Variants in RHO observed in about 807,000 individuals in gnomAD.
RHO encodes the protein opsin 2, rod pigment.
Under a neutral mutation model 31.2 loss-of-function variants are expected in RHO, and 21 were observed. The observed-to-expected ratio is 0.67, with a 90% CI of 0.48 to 0.97. The LOEUF (loss-of-function observed/expected upper bound fraction) is 0.97. Among genes scored for constraint, RHO ranks in the 50% least tolerant of loss-of-function variants. The pLI is 0.00. For synonymous variants in RHO, 211 were observed against 196.6 expected, an observed-to-expected ratio of 1.07 and a Z score of -0.61; for missense variants, 414 against 479.5, an observed-to-expected ratio of 0.86 and a Z score of 1.28.
intron 4 of RHO, among the ~76,000 whole-genome samples, chr3:129,533,143 T>G (rs2084797830): frequency 1.3e-5 from 2 of 152,098 alleles, no homozygotes; most frequent in Admixed American, 1.3e-4. Context: ...AAAGTCTTAT[T>G]CTGAGGGGTA....
chr3:129,533,631 C>G lies in RHO; in HGVS notation c.960C>G (p.Thr320=). 1 of 1,614,098 alleles carries G rather than the reference C, an allele frequency of 6.2e-7. No individual in the cohort carries two copies. Among genetic ancestry groups the G allele is most frequent in the Non-Finnish European group, 8.5e-7 (1 of 1,179,948 alleles). The change falls in exon 5 of 5, where the codon ACC becomes ACG. Residue 320 remains threonine, a synonymous_variant. Transcript: ENST00000296271. ...AGTTCCGGAACTGCATGCTCACCAC[C>G]ATCTGCTGCGGCAAGAACCCACTGG... ...NKQFRNCMLT[T]ICCGKNPLGD... is the part of the protein sequence containing the mutation.
intron 4 of RHO, among the ~76,000 whole-genome samples, chr3:129,533,263 A>G (rs2084798411): frequency 6.6e-6 from 1 of 152,142 alleles, no homozygotes; most frequent in African/African-American, 2.4e-5. Flanking sequence ...GGGCAAGTCA[A>G]TTTCCTTCTC....
chr3:129,532,587 A>AC lies in RHO; in HGVS notation c.754dup (p.Arg252ProfsTer79). On this transcript the variant is annotated frameshift_variant, in exon 4 of 5. Coordinates refer to ENST00000296271, the MANE Select transcript of RHO (RefSeq NM_000539.3). LOFTEE classifies it high-confidence loss of function. The surrounding 1 kb of genome is among the most constrained non-coding windows in gnomAD (Gnocchi z 5.5). ...CACACAGAAGGCAGAGAAGGAGGTC[A>AC]CCCGCATGGTCATCATCATGGTCAT... is the stretch of plus-strand genomic sequence containing the variant. 6.2e-7 allele frequency: 1 copy of AC among 1,614,124 alleles called. No individual in the cohort carries two copies. Among genetic ancestry groups the AC allele is most frequent in the South Asian group, 1.1e-5 (1 of 91,078 alleles).
At position 129,528,667 on chromosome 3, in the gene RHO, C is replaced by T; in HGVS notation, c.-67C>T. On this transcript the variant is annotated 5_prime_UTR_variant, in exon 1 of 5. Coordinates refer to ENST00000296271, the MANE Select transcript of RHO (RefSeq NM_000539.3). ...GTCATCCAGCTGGAGCCCTGAGTGGCTGAGCTCAGGCCTTCGCAGCATTCT... is the reference window on the plus strand; with the variant it reads ...GTCATCCAGCTGGAGCCCTGAGTGGTTGAGCTCAGGCCTTCGCAGCATTCT... 1 of 1,607,640 alleles carries T rather than the reference C, an allele frequency of 6.2e-7. No individual in the cohort carries two copies. The highest frequency in any genetic ancestry group is 8.5e-7 in the Non-Finnish European group (1 of 1,177,924).
chr3:129,532,399 G>T lies in RHO; in HGVS notation c.679G>T (p.Val227Phe), dbSNP rs781465927. The change falls in exon 3 of 5, where the codon GTC (valine) becomes TTC (phenylalanine). Residue 227 changes from valine to phenylalanine, a missense_variant. Physicochemically the swap from Val to Phe is conservative, Grantham distance 50. Coordinates refer to ENST00000296271, the MANE Select transcript of RHO (RefSeq NM_000539.3). This position sits in a 1 kb window ranked among gnomAD's most constrained non-coding sequence, Gnocchi z 5.5. ...CATCTTTTTCTGCTATGGGCAGCTC[G>T]TCTTCACCGTCAAGGAGGTACGGGC... ...IIIFFCYGQLVFTVKEAAAQQ... is the reference protein window; with the variant it reads ...IIIFFCYGQLFFTVKEAAAQQ... 1.2e-6 allele frequency: 2 copies of T among 1,613,814 alleles called. No homozygotes were observed. The highest frequency in any genetic ancestry group is 2.7e-5 in the African/African-American group (2 of 74,864).
In RHO at chr3:129,530,616, T is replaced by C. The variant is rs77154523; in HGVS notation, c.362-260T>C. On this transcript the variant is annotated intron_variant, in intron 1 of 4. Transcript: ENST00000296271. ...TTCAATCCTGACCCCCTGATCTGAT[T>C]CGTGTCCCTTATGGGCCCAGAGCGC... is the stretch of plus-strand genomic sequence containing the variant. Among the ~76,000 whole-genome samples, 2,946 of 151,212 alleles carry C rather than the reference T, an allele frequency of 0.019. 340 individuals carry two copies. In the East Asian group the frequency reaches 0.32, roughly 17 times the overall value.
In RHO at chr3:129,528,688, A is replaced by G; in HGVS notation, c.-46A>G. 1 of 1,613,238 alleles carries G rather than the reference A, an allele frequency of 6.2e-7. No homozygotes were observed. The highest frequency in any genetic ancestry group is 8.5e-7 in the Non-Finnish European group (1 of 1,179,964). On this transcript the variant is annotated 5_prime_UTR_variant, in exon 1 of 5. Transcript: ENST00000296271. The stretch of plus-strand genomic sequence containing the variant: ...GTGGCTGAGCTCAGGCCTTCGCAGC[A>G]TTCTTGGGTGGGAGCAGCCACGGGT...
intron 2 of RHO, among the ~76,000 whole-genome samples, chr3:129,531,720 T>C (rs2084781620): frequency 6.6e-6 from 1 of 152,242 alleles, no homozygotes; most frequent in African/African-American, 2.4e-5. Context: ...CTGGACGCTC[T>C]GGGTTTCCTG....
Position 129,534,319 on chromosome 3 carries a change from GT to G in RHO, c.*602del. On this transcript the variant is annotated 3_prime_UTR_variant, in exon 5 of 5. Coordinates refer to ENST00000296271, the MANE Select transcript of RHO (RefSeq NM_000539.3). ...AAGAGGTGTGTGTGTGTCTATGTGT[GT>G]GTTTCAGCACTTTGTAAATAGCAAG... 1 of 154,808 alleles carries G rather than the reference GT, an allele frequency of 6.5e-6. No individual in the cohort carries two copies. 9.6% of individuals were successfully genotyped at this position (154,808 alleles called of 1,614,324 possible).
At position 129,528,975 on chromosome 3, in the gene RHO, T is replaced by C. The variant is rs745643650; in HGVS notation, c.242T>C (p.Val81Ala). The C allele has an allele frequency of 9.3e-6, 15 of 1,614,246 alleles. No homozygotes were observed. The highest frequency in any genetic ancestry group is 8.5e-7 in the Non-Finnish European group (1 of 1,180,050). ...PLNYILLNLA[V>A]ADLFMVLGGF... is the part of the protein sequence containing the mutation. ...AACTACATCCTGCTCAACCTAGCCGTGGCTGACCTCTTCATGGTCCTAGGT... is the reference window on the plus strand; with the variant it reads ...AACTACATCCTGCTCAACCTAGCCGCGGCTGACCTCTTCATGGTCCTAGGT... The change falls in exon 1 of 5, where the codon GTG becomes GCG. Residue 81 changes from valine to alanine, a missense_variant. Coordinates refer to ENST00000296271, the MANE Select transcript of RHO (RefSeq NM_000539.3).
rs1360660046 is a variant in RHO at position 129,534,369 on chromosome 3, G to A, written c.*651G>A. 1 of 152,414 alleles carries A rather than the reference G, an allele frequency of 6.6e-6. No individual in the cohort carries two copies. Among genetic ancestry groups the A allele is most frequent in the Admixed American group, 6.5e-5 (1 of 15,302 alleles). 9.4% of individuals were successfully genotyped at this position (152,414 alleles called of 1,614,324 possible). A position where few individuals can be genotyped will look rare whatever the true frequency, so the allele number is the denominator to read the frequency against. Reference sequence around the variant, plus strand: ...AGAAGCTGTACAGATTCTAGTTAATGTTGTGAATAACATCAATTAATGTAA... The same window carrying A: ...AGAAGCTGTACAGATTCTAGTTAATATTGTGAATAACATCAATTAATGTAA... On this transcript the variant is annotated 3_prime_UTR_variant, in exon 5 of 5. Coordinates refer to ENST00000296271, the MANE Select transcript of RHO (RefSeq NM_000539.3).
In RHO at chr3:129,528,763, C is replaced by G. The variant is rs138142023; in HGVS notation, c.30C>G (p.Tyr10Ter). 1 of 1,614,194 alleles carries G rather than the reference C, an allele frequency of 6.2e-7. No homozygotes were observed. Among genetic ancestry groups the G allele is most frequent in the African/African-American group, 1.3e-5 (1 of 75,042 alleles). The change falls in exon 1 of 5, where the codon TAC becomes TAG. Residue 10 changes from tyrosine (Y) to a stop codon, truncating the protein, a stop_gained. Transcript: ENST00000296271. LOFTEE classifies it high-confidence loss of function. Reference sequence around the variant, plus strand: ...ATGGCACAGAAGGCCCTAACTTCTACGTGCCCTTCTCCAATGCGACGGGTG... The same window carrying G: ...ATGGCACAGAAGGCCCTAACTTCTAGGTGCCCTTCTCCAATGCGACGGGTG... MNGTEGPNFYVPFSNATGVV... is the reference protein window; with the variant it reads MNGTEGPNF
chr3:129,530,874 A>G lies in RHO; in HGVS notation c.362-2A>G. 2 of 1,614,192 alleles carry G rather than the reference A, an allele frequency of 1.2e-6. No individual in the cohort carries two copies. The highest frequency in any genetic ancestry group is 1.7e-6 in the Non-Finnish European group (2 of 1,180,026). ...GCTGACCGCCTGCTGACTGCCTTGC[A>G]GGTGAAATTGCCCTGTGGTCCTTGG... On this transcript the variant is annotated splice_acceptor_variant, in intron 1 of 4. Transcript: ENST00000296271. LOFTEE classifies it high-confidence loss of function.
At position 129,530,994 on chromosome 3, in the gene RHO, C is replaced by A. The variant is rs151063543; in HGVS notation, c.480C>A (p.Thr160=). The A allele has an allele frequency of 2.3e-3, 3,791 of 1,614,244 alleles. 7 individuals are homozygous for A. The highest frequency in any genetic ancestry group is 2.9e-3 in the Non-Finnish European group (3,387 of 1,180,046). The part of the protein sequence containing the change: ...ENHAIMGVAF[T]WVMALACAAP... The stretch of plus-strand genomic sequence containing the variant: ...ATGCCATCATGGGCGTTGCCTTCAC[C>A]TGGGTCATGGCGCTGGCCTGCGCCG... The change falls in exon 2 of 5, where the codon ACC becomes ACA. Residue 160 remains threonine, a synonymous_variant. Coordinates refer to ENST00000296271, the MANE Select transcript of RHO (RefSeq NM_000539.3).
At chr3:129,530,583 G>A (rs903131767) in intron 1 of RHO, among the ~76,000 whole-genome samples, 2 of 132,150 alleles carry the variant, frequency 1.5e-5, no homozygotes, top group Non-Finnish European at 3.0e-5. Context: ...TCCCTACCGG[G>A]TTCCCAGTTC....
rs1459534591 is a variant in RHO at position 129,529,105 on chromosome 3, G to T, written c.361+11G>T. On this transcript the variant is annotated intron_variant, in intron 1 of 4. Transcript: ENST00000296271. ...TTGCCACCCTGGGCGGTATGAGCCG[G>T]GTGTGGGTGGGGTGTGCAGGAGCCC... 3.7e-6 allele frequency: 6 copies of T among 1,608,878 alleles called. No homozygotes were observed. Among genetic ancestry groups the T allele is most frequent in the Admixed American group, 3.3e-5 (2 of 59,930 alleles).
Position 129,532,278 on chromosome 3 carries a change from G to A in RHO, c.558G>A (p.Ser186=), listed in dbSNP as rs145549270. 553 of 1,614,096 alleles carry A rather than the reference G, an allele frequency of 3.4e-4. 1 individual carries two copies. In the African/African-American group the frequency reaches 6.5e-3, roughly 19 times the overall value. The stretch of plus-strand genomic sequence containing the variant: ...ACATCCCCGAGGGCCTGCAGTGCTC[G>A]TGTGGAATCGACTACTACACGCTCA... ...SRYIPEGLQC[S]CGIDYYTLKP... is the part of the protein sequence containing the mutation. The change falls in exon 3 of 5, where the codon TCG becomes TCA. Residue 186 remains serine, a synonymous_variant. Transcript: ENST00000296271. This position sits in a 1 kb window ranked among gnomAD's most constrained non-coding sequence, Gnocchi z 5.5.
In RHO at chr3:129,533,669, C is replaced by T. The variant is rs760792843; in HGVS notation, c.998C>T (p.Ala333Val). 3.8e-5 allele frequency: 62 copies of T among 1,614,088 alleles called. No homozygotes were observed. The South Asian group carries it at 6.4e-4, about 17-fold the overall frequency. ...AAGAACCCACTGGGTGACGATGAGG[C>T]CTCTGCTACCGTGTCCAAGACGGAG... ...CGKNPLGDDE[A>V]SATVSKTETS... The change falls in exon 5 of 5, where the codon GCC (alanine) becomes GTC (valine). Residue 333 changes from alanine (A) to valine (V), a missense_variant. Ala to Val is a moderately conservative substitution (Grantham distance 64). Coordinates refer to ENST00000296271, the MANE Select transcript of RHO (RefSeq NM_000539.3).
rs917384196 is a variant in RHO at position 129,533,836 on chromosome 3, T to G, written c.*118T>G. 3 of 651,646 alleles carry G rather than the reference T, an allele frequency of 4.6e-6. No homozygotes were observed. In the African/African-American group the frequency reaches 7.8e-5, roughly 17 times the overall value. The allele number at this position is 651,646 out of a possible 1,614,324, so 40.4% of individuals were successfully genotyped here. ...GCAGAATGAACGAAGTCACATAGGCTCCTTAATTTTTTTTTTTTTTTTAAG... is the reference window on the plus strand; with the variant it reads ...GCAGAATGAACGAAGTCACATAGGCGCCTTAATTTTTTTTTTTTTTTTAAG... On this transcript the variant is annotated 3_prime_UTR_variant, in exon 5 of 5. Coordinates refer to ENST00000296271, the MANE Select transcript of RHO (RefSeq NM_000539.3).
Sources: gnomAD v4.1 joint callset for allele counts (sites outside exome capture counted in the v4.1 genomes callset) on GRCh38, gnomAD v4.1.1 for gene constraint, Gnocchi (gnomAD v3.1) non-coding constraint, MANE v1.5 for transcripts, NCBI Gene and HGNC (gene_info 2026-07-23, HGNC 2026-07-21) for gene names.